SASH1: variants seen among roughly 807,000 people sequenced by gnomAD.
SASH1 encodes the protein SAM and SH3 domain containing 1, also known as SAM and SH3 domain-containing protein 1.
A neutral mutation model predicts 125.2 loss-of-function variants in SASH1; 44 were observed. The observed-to-expected ratio is 0.35, with a 90% CI of 0.28 to 0.45. The LOEUF is 0.45. SASH1 is among the 20% of genes least tolerant of loss of function. The pLI is 1.00. For missense variants in SASH1, 1,426 were observed against 1,614.5 expected (o/e 0.88, Z 2.00); for synonymous variants, 639 against 649.1 (o/e 0.98, Z 0.24).
the SASH1 span, among the ~76,000 whole-genome samples, chr6:148,206,819 A>ACACG: frequency 6.6e-6 from 1 of 151,748 alleles, no homozygotes; most frequent in Non-Finnish European, 1.5e-5. Context: ...ACACACACAC[A>ACACG]CACACACACA....
In SASH1 at chr6:148,519,376, CAT is replaced by C. The variant is rs1780656697; in HGVS notation, c.863-170_863-169del. 6.6e-6 allele frequency among the ~76,000 whole-genome samples: 1 copy of C among 152,164 alleles called. No homozygotes were observed. Among genetic ancestry groups the C allele is most frequent in the Non-Finnish European group, 1.5e-5 (1 of 68,044 alleles). Reference sequence around the variant, plus strand: ...ATCTGAATCCTTTTAACATTAAGCTCATGTGAAACCATGTATTTGCACAGTGT... The same window carrying C: ...ATCTGAATCCTTTTAACATTAAGCTCGTGAAACCATGTATTTGCACAGTGT... On this transcript the variant is annotated intron_variant, in intron 9 of 19. Transcript: ENST00000367467. This position sits in a 1 kb window ranked among gnomAD's most constrained non-coding sequence, Gnocchi z 4.8.
intron 1 of SASH1, among the ~76,000 whole-genome samples, chr6:148,292,689 G>C (rs1201486349): frequency 1.3e-5 from 2 of 152,142 alleles, no homozygotes; most frequent in Non-Finnish European, 2.9e-5. Context: ...ACTAGCATCA[G>C]GGCAGAGCAA....
At chr6:148,499,059 T>TTTTG (rs1554264901) in intron 8 of SASH1, among the ~76,000 whole-genome samples, 1 of 138,622 alleles carries the variant, frequency 7.2e-6, no homozygotes, top group African/African-American at 3.1e-5. Flanking sequence ...TTTTTTTTGT[T>TTTTG]TTTTTTTTTT....
intron 1 of SASH1, among the ~76,000 whole-genome samples, chr6:148,289,609 T>C (rs1779572915): frequency 6.6e-6 from 1 of 152,210 alleles, no homozygotes. Flanking sequence ...TAAGCCTGAT[T>C]AGCCTTAGAG....
chr6:148,204,041 A>G, the SASH1 span, among the ~76,000 whole-genome samples: 2 of 152,184 alleles, frequency 1.3e-5, no homozygotes, highest in Non-Finnish European at 2.9e-5. Context: ...TTTTTGCTGC[A>G]GTTCTCCACT....
At chr6:148,228,219 G>T in the SASH1 span, among the ~76,000 whole-genome samples, 2 of 152,148 alleles carry the variant, frequency 1.3e-5, no homozygotes, top group African/African-American at 2.4e-5. Context: ...AATTTATATA[G>T]ATATGTATGA....
chr6:148,390,365 C>A, intron 2 of SASH1, 103 bp downstream of exon 2: 2 of 1,128,324 alleles, frequency 1.8e-6, no homozygotes, highest in Non-Finnish European at 2.5e-6. Flanking sequence ...GGGTATCAAT[C>A]TGTAGGCTGC....
chr6:148,310,892 G>A (rs991731292), intron 1 of SASH1, among the ~76,000 whole-genome samples: 2 of 152,126 alleles, frequency 1.3e-5, no homozygotes, highest in Non-Finnish European at 2.9e-5. Flanking sequence ...TATTGGAATA[G>A]AAAATGGTGT....
At chr6:148,412,336 T>C (rs538632483) in intron 2 of SASH1, among the ~76,000 whole-genome samples, 2 of 152,332 alleles carry the variant, frequency 1.3e-5, no homozygotes, top group East Asian at 3.9e-4. Context: ...GGTATGTAAA[T>C]GGGCAGTGGG....
At chr6:148,283,583 C>T (rs1582914357) in intron 1 of SASH1, among the ~76,000 whole-genome samples, 1 of 152,100 alleles carries the variant, frequency 6.6e-6, no homozygotes, top group African/African-American at 2.4e-5. Context: ...ACCATCCTGG[C>T]TAACAAGGTG....
chr6:148,346,937 A>G (rs924406502), intron 1 of SASH1, among the ~76,000 whole-genome samples: 1 of 152,224 alleles, frequency 6.6e-6, no homozygotes, highest in South Asian at 2.1e-4. Flanking sequence ...TCCCTGTGAC[A>G]TGTGTAGACT....
At chr6:148,346,942 T>C (rs1411951608) in intron 1 of SASH1, among the ~76,000 whole-genome samples, 1 of 152,232 alleles carries the variant, frequency 6.6e-6, no homozygotes, top group Non-Finnish European at 1.5e-5. Context: ...GTGACATGTG[T>C]AGACTTCTAT....
intron 4 of SASH1, among the ~76,000 whole-genome samples, chr6:148,461,088 A>G (rs1347573340): frequency 6.6e-6 from 1 of 152,226 alleles, no homozygotes; most frequent in Non-Finnish European, 1.5e-5. Context: ...CAAAGCTCTT[A>G]ACATTCACTG....
chr6:148,448,732 A>G (rs1012694379), intron 4 of SASH1, among the ~76,000 whole-genome samples: 3 of 152,158 alleles, frequency 2.0e-5, no homozygotes, highest in African/African-American at 7.2e-5. Context: ...GACCTTTGCA[A>G]TCTGGTGGCC....
chr6:148,276,934 A>G (rs1431042213), intron 1 of SASH1, among the ~76,000 whole-genome samples: 3 of 152,260 alleles, frequency 2.0e-5, no homozygotes, highest in Non-Finnish European at 4.4e-5. Flanking sequence ...AAATAATAAT[A>G]ATGATGATAA....
intron 4 of SASH1, among the ~76,000 whole-genome samples, chr6:148,442,502 T>C (rs761739201): frequency 3.3e-5 from 5 of 151,552 alleles, no homozygotes; most frequent in Non-Finnish European, 7.4e-5. Flanking sequence ...GTTGTTGACA[T>C]TTGCACACTC....
intron 1 of SASH1, among the ~76,000 whole-genome samples, chr6:148,289,752 C>A (rs1301084700): frequency 4.0e-5 from 6 of 151,886 alleles, no homozygotes; most frequent in African/African-American, 1.5e-4. Flanking sequence ...TGATAAATAA[C>A]CAGAGAGTGA....
At position 148,539,504 on chromosome 6, in the gene SASH1, G is replaced by A. The variant is rs575837667; in HGVS notation, c.2096-939G>A. Among the ~76,000 whole-genome samples the A allele has an allele frequency of 6.4e-4, 98 of 152,220 alleles. 1 individual carries two copies. The highest frequency in any genetic ancestry group is 2.2e-3 in the African/African-American group (91 of 41,540). The stretch of plus-strand genomic sequence containing the variant: ...CTTCACTTAGAATAATGGCCTCCAG[G>A]TCCATCCAAATTGCTGCAAAGACAT... On this transcript the variant is annotated intron_variant, in intron 16 of 19. Transcript: ENST00000367467.
chr6:148,216,918 G>C, the SASH1 span, among the ~76,000 whole-genome samples: 9 of 152,042 alleles, frequency 5.9e-5, no homozygotes, highest in South Asian at 1.9e-3. Context: ...AGTAGAGACG[G>C]GTTTCACCAT....
Sources: allele counts gnomAD v4.1 joint callset (sites outside exome capture counted in the v4.1 genomes callset), GRCh38; gene constraint gnomAD v4.1.1; non-coding constraint Gnocchi (gnomAD v3.1); transcripts MANE v1.5; gene names NCBI Gene and HGNC (gene_info 2026-07-23, HGNC 2026-07-21).